CNST: variants seen among roughly 807,000 people sequenced by gnomAD.
CNST encodes the protein consortin.
A neutral mutation model predicts 72.4 loss-of-function variants in CNST; 39 were observed. That is an observed-to-expected ratio of 0.54 (90% CI 0.42 to 0.70). The LOEUF is 0.70. Ranked by LOEUF, CNST falls within the 30% of genes least tolerant of loss-of-function variation. The pLI is 0.00. For synonymous variants in CNST, 332 were observed against 320.1 expected (o/e 1.04, Z -0.40); for missense variants, 871 against 868.5 (o/e 1.00, Z -0.04).
intron 6 of CNST, among the ~76,000 whole-genome samples, chr1:246,634,824 G>A (rs1665047742): frequency 1.3e-5 from 2 of 152,220 alleles, no homozygotes; most frequent in Non-Finnish European, 2.9e-5. Flanking sequence ...GACGGGCTGA[G>A]GCCTAAAATG....
chr1:246,645,654 C>G (rs1029667119), intron 8 of CNST, among the ~76,000 whole-genome samples: 1 of 151,848 alleles, frequency 6.6e-6, no homozygotes. Context: ...GTCTCGATCT[C>G]CTGACCTCGT....
chr1:246,572,813 T>A (rs1660146229), intron 1 of CNST, among the ~76,000 whole-genome samples: 1 of 152,214 alleles, frequency 6.6e-6, no homozygotes, highest in Non-Finnish European at 1.5e-5. Flanking sequence ...AGTGCCTACT[T>A]CAGCCTCTCA....
chr1:246,634,478 A>G lies in CNST; in HGVS notation c.709A>G (p.Lys237Glu). 3 of 1,566,546 alleles carry G rather than the reference A, an allele frequency of 1.9e-6. No individual in the cohort carries two copies. The highest frequency in any genetic ancestry group is 2.6e-6 in the Non-Finnish European group (3 of 1,162,690). The change falls in exon 6 of 11, where the codon AAA becomes GAA. Residue 237 changes from lysine to glutamate, a missense_variant. Transcript: ENST00000366513. ...AACAAATACTTTAAATTTAGAAACA[A>G]AATGGAAAACTGTGCAACCACATAC... ...LSAIQEQWET[K>E]WKTVQPHTVT...
chr1:246,571,828 C>T (rs1484284605), intron 1 of CNST, among the ~76,000 whole-genome samples: 1 of 152,184 alleles, frequency 6.6e-6, no homozygotes, highest in Non-Finnish European at 1.5e-5. Flanking sequence ...CCTTCATTGA[C>T]ATTTGGGCAT....
At chr1:246,612,200 T>C (rs1663364392) in intron 2 of CNST, among the ~76,000 whole-genome samples, 1 of 152,196 alleles carries the variant, frequency 6.6e-6, no homozygotes, top group Non-Finnish European at 1.5e-5. Context: ...ACATTGTGAA[T>C]GTATTTTTTT....
At position 246,623,841 on chromosome 1, in the gene CNST, T is replaced by C. The variant is rs187974386; in HGVS notation, c.585+2207T>C. Among the ~76,000 whole-genome samples, 1,022 of 147,878 alleles carry C rather than the reference T, an allele frequency of 6.9e-3. 12 individuals are homozygous for C. The highest frequency in any genetic ancestry group is 0.024 in the African/African-American group (974 of 40,114). ...CTCTGGGAGGTCGAGGCAGGCAGAT[T>C]GCTTGAGCCCAGGAGTTCAAGTCTA... On this transcript the variant is annotated intron_variant, in intron 3 of 10. Coordinates refer to ENST00000366513, the MANE Select transcript of CNST (RefSeq NM_152609.3).
chr1:246,586,413 TTATA>T (rs1246876351), intron 1 of CNST, among the ~76,000 whole-genome samples: 2 of 148,078 alleles, frequency 1.4e-5, no homozygotes, highest in South Asian at 2.1e-4. Context: ...AACATATCTT[TTATA>T]TATATCTATA....
intron 2 of CNST, among the ~76,000 whole-genome samples, chr1:246,597,111 ACAGTTTTCCAAAG>A (rs1355562120): frequency 2.6e-5 from 4 of 152,184 alleles, no homozygotes. Context: ...TTTATGCCAA[ACAGTTTTCCAAAG>A]CAACTGCACC....
intron 2 of CNST, among the ~76,000 whole-genome samples, chr1:246,603,266 G>A (rs1662432362): frequency 6.6e-6 from 1 of 152,196 alleles, no homozygotes; most frequent in Non-Finnish European, 1.5e-5. Flanking sequence ...ATTAGTGGAA[G>A]CTTAGGTGGG....
intron 9 of CNST, among the ~76,000 whole-genome samples, chr1:246,657,421 A>G (rs961090187): frequency 1.2e-4 from 19 of 152,206 alleles, no homozygotes; most frequent in African/African-American, 4.6e-4. Context: ...TTCACTTCAG[A>G]CACTGGGGCA....
At chr1:246,601,270 A>G (rs939224233) in intron 2 of CNST, among the ~76,000 whole-genome samples, 4 of 152,108 alleles carry the variant, frequency 2.6e-5, no homozygotes, top group Non-Finnish European at 5.9e-5. Context: ...ACGCCACTGC[A>G]CTCCATCCTG....
rs760557655 is a variant in CNST, at chr1:246,648,021, G to A, written c.1820G>A (p.Arg607Lys). 43 of 1,609,402 alleles carry A rather than the reference G, an allele frequency of 2.7e-5. No individual in the cohort carries two copies. Among genetic ancestry groups the A allele is most frequent in the Middle Eastern group, 1.7e-4 (1 of 6,060 alleles). Reference sequence around the variant, plus strand: ...CTTTCTCTTGATGATCTTGCCAAAAGGATAGAGATTGCAGAGGTAAATCAG... The same window carrying A: ...CTTTCTCTTGATGATCTTGCCAAAAAGATAGAGATTGCAGAGGTAAATCAG... ...SCLSLDDLAK[R>K]IEIAEVVPTE... is the part of the protein sequence containing the mutation. The change falls in exon 9 of 11, where the codon AGG (arginine) becomes AAG (lysine). Residue 607 changes from arginine to lysine, a missense_variant. Arg to Lys is a conservative substitution (Grantham distance 26, BLOSUM62 2). Coordinates refer to ENST00000366513, the MANE Select transcript of CNST (RefSeq NM_152609.3).
chr1:246,595,447 T>C (rs1431075951), intron 2 of CNST, among the ~76,000 whole-genome samples: 3 of 152,232 alleles, frequency 2.0e-5, no homozygotes, highest in Admixed American at 1.3e-4. Flanking sequence ...GCTGGAGTAC[T>C]GCAAAAGCCC....
intron 2 of CNST, among the ~76,000 whole-genome samples, chr1:246,592,309 A>G (rs769678175): frequency 6.6e-6 from 1 of 152,190 alleles, no homozygotes; most frequent in Non-Finnish European, 1.5e-5. Context: ...CAACATGGTG[A>G]AACGCCATCT....
intron 8 of CNST, among the ~76,000 whole-genome samples, chr1:246,645,120 A>G (rs974974023): frequency 7.2e-5 from 11 of 152,080 alleles, no homozygotes; most frequent in Admixed American, 2.6e-4. Context: ...TATGAACTCT[A>G]CTGAATAGCT....
At chr1:246,598,483 C>T (rs1446424535) in intron 2 of CNST, among the ~76,000 whole-genome samples, 1 of 152,116 alleles carries the variant, frequency 6.6e-6, no homozygotes, top group East Asian at 1.9e-4. Flanking sequence ...AAATATATTT[C>T]CAGTTCCATA....
chr1:246,586,073 A>G (rs1661162089), intron 1 of CNST, among the ~76,000 whole-genome samples: 2 of 141,840 alleles, frequency 1.4e-5, no homozygotes, highest in African/African-American at 2.7e-5. Context: ...AAGTGAGACC[A>G]TGTCTTGGGG....
At chr1:246,621,043 G>A (rs969470502) in intron 2 of CNST, among the ~76,000 whole-genome samples, 1 of 152,258 alleles carries the variant, frequency 6.6e-6, no homozygotes, top group Non-Finnish European at 1.5e-5. Flanking sequence ...TGAGATTTCA[G>A]TGAAGGGTGA....
chr1:246,586,141 G>GTGTGTGTGTGTA (rs1488972688), intron 1 of CNST, among the ~76,000 whole-genome samples: 15 of 145,172 alleles, frequency 1.0e-4, no homozygotes, highest in African/African-American at 3.6e-4. Flanking sequence ...GTGTGTGTGT[G>GTGTGTGTGTGTA]TATATATTAC....
Sources: gnomAD v4.1 joint callset for allele counts (sites outside exome capture counted in the v4.1 genomes callset) on GRCh38, gnomAD v4.1.1 for gene constraint, MANE v1.5 for transcripts, NCBI Gene and HGNC (gene_info 2026-07-23, HGNC 2026-07-21) for gene names.